The following PLXDC2 variants were observed in gnomAD, a reference collection of about 807,000 sequenced individuals.
PLXDC2 encodes plexin domain containing 2, also known as plexin domain-containing protein 2.
A neutral mutation model predicts 68.9 loss-of-function variants in PLXDC2; 40 were observed. The observed-to-expected ratio is 0.58, with a 90% CI of 0.45 to 0.76. The LOEUF is 0.76. Ranked by LOEUF, PLXDC2 falls within the 30% of genes least tolerant of loss-of-function variation. The pLI is 0.00. For synonymous variants in PLXDC2, 243 were observed against 234.2 expected, an observed-to-expected ratio of 1.04 and a Z score of -0.34; for missense variants, 644 against 661.9, an observed-to-expected ratio of 0.97 and a Z score of 0.30.
At chr10:19,898,614 T>G (rs1356857904) in intron 1 of PLXDC2, among the ~76,000 whole-genome samples, 1 of 152,162 alleles carries the variant, frequency 6.6e-6, no homozygotes, top group Non-Finnish European at 1.5e-5. Context: ...ATTTAGAGAT[T>G]AATGCCTATG....
chr10:20,085,322 G>T (rs528785676), intron 4 of PLXDC2, among the ~76,000 whole-genome samples: 1 of 152,234 alleles, frequency 6.6e-6, no homozygotes, highest in East Asian at 1.9e-4. Flanking sequence ...CATCGCAGAC[G>T]CTGCCTCAGA....
intron 1 of PLXDC2, among the ~76,000 whole-genome samples, chr10:19,839,773 G>C (rs76337506): frequency 0.013 from 1,984 of 152,178 alleles, 21 homozygotes; most frequent in Non-Finnish European, 0.021. Context: ...TGTAACGGCA[G>C]ACTCTTTAGA....
intron 13 of PLXDC2, among the ~76,000 whole-genome samples, chr10:20,246,617 C>T (rs560484194): frequency 9.9e-5 from 15 of 152,250 alleles, no homozygotes; most frequent in African/African-American, 2.4e-4. Context: ...CCCAAAGTGC[C>T]GGGATTACAG....
chr10:19,948,333 C>T (rs1166715042), intron 1 of PLXDC2, among the ~76,000 whole-genome samples: 1 of 151,366 alleles, frequency 6.6e-6, no homozygotes, highest in South Asian at 2.1e-4. Flanking sequence ...ATAAACAAGA[C>T]TATTAACAGC....
At position 19,890,808 on chromosome 10, in the gene PLXDC2, ATAGT is replaced by A. The variant is rs570071542; in HGVS notation, c.112+73621_112+73624del. On this transcript the variant is annotated intron_variant, in intron 1 of 13. Transcript: ENST00000377252. ...TTTAGACTTCTTGTACTTGTGCAAT[ATAGT>A]TAGATGTGTATGCATCTGTATATAA... Among the ~76,000 whole-genome samples, 568 of 150,028 alleles carry A rather than the reference ATAGT, an allele frequency of 3.8e-3. 2 individuals are homozygous for A. Among genetic ancestry groups the A allele is most frequent in the African/African-American group, 0.013 (541 of 40,716 alleles).
chr10:20,080,270 G>A (rs150822620), intron 4 of PLXDC2, among the ~76,000 whole-genome samples: 2 of 152,262 alleles, frequency 1.3e-5, no homozygotes, highest in African/African-American at 4.8e-5. Flanking sequence ...GTTCTGTAGA[G>A]GGAAAGAACT....
rs532721555 is a variant in PLXDC2, at chr10:20,111,175, G to A, written c.542-32120G>A. ...TCTAGAGGAATGTTCAGTTTTGTGT[G>A]GGTGATAGACTTGCAAACCATTGTA... is the stretch of plus-strand genomic sequence containing the variant. On this transcript the variant is annotated intron_variant, in intron 4 of 13. Coordinates refer to ENST00000377252, the MANE Select transcript of PLXDC2 (RefSeq NM_032812.9). Among the ~76,000 whole-genome samples, 9 of 152,228 alleles carry A rather than the reference G, an allele frequency of 5.9e-5. No homozygotes were observed. The South Asian group carries it at 1.9e-3, about 32-fold the overall frequency.
intron 4 of PLXDC2, among the ~76,000 whole-genome samples, chr10:20,125,365 G>A (rs1437398574): frequency 6.6e-6 from 1 of 152,150 alleles, no homozygotes; most frequent in Non-Finnish European, 1.5e-5. Flanking sequence ...AAACACAATT[G>A]GATGGTGTAT....
intron 4 of PLXDC2, among the ~76,000 whole-genome samples, chr10:20,125,351 G>A (rs749917405): frequency 3.3e-5 from 5 of 152,132 alleles, no homozygotes; most frequent in Admixed American, 6.6e-5. Flanking sequence ...GGTCCTAGCC[G>A]AGCAAACACA....
intron 2 of PLXDC2, among the ~76,000 whole-genome samples, chr10:20,004,806 G>A (rs1249384975): frequency 6.6e-6 from 1 of 152,074 alleles, no homozygotes; most frequent in Non-Finnish European, 1.5e-5. Flanking sequence ...GTAATTTTGT[G>A]ATTCAGCCAA....
chr10:20,130,116 A>G (rs1033553752), intron 4 of PLXDC2, among the ~76,000 whole-genome samples: 2 of 152,048 alleles, frequency 1.3e-5, no homozygotes, highest in African/African-American at 2.4e-5. Context: ...GGAAAGTTTA[A>G]TATTTTTAAT....
At chr10:19,877,103 G>T (rs72784151) in intron 1 of PLXDC2, among the ~76,000 whole-genome samples, 6,794 of 152,114 alleles carry the variant, frequency 0.045, 188 homozygotes, top group Middle Eastern at 0.12. Context: ...TTCTGTGGTG[G>T]TAAAATAACA....
intron 1 of PLXDC2, among the ~76,000 whole-genome samples, chr10:19,829,787 G>A (rs1379197470): frequency 1.3e-5 from 2 of 152,136 alleles, no homozygotes; most frequent in South Asian, 2.1e-4. Context: ...TGGAGTGACT[G>A]CAAAGTAAGA....
rs762530482 is a variant in PLXDC2, at chr10:20,283,615, A to G, written c.*3796A>G. 4.6e-5 allele frequency: 7 copies of G among 152,122 alleles called. No homozygotes were observed. The highest frequency in any genetic ancestry group is 8.8e-5 in the Non-Finnish European group (6 of 68,016). The allele number at this position is 152,122 out of a possible 1,614,324, so 9.4% of individuals were successfully genotyped here. A position where few individuals can be genotyped will look rare whatever the true frequency, so the allele number is the denominator to read the frequency against. On this transcript the variant is annotated 3_prime_UTR_variant, in exon 14 of 14. Transcript: ENST00000377252. ...ATTTGTCCCACATGACATCCATCCC[A>G]TGTATTTATCCACTCTTTCACAACA...
At position 20,085,886 on chromosome 10, in the gene PLXDC2, A is replaced by G. The variant is rs867816371; in HGVS notation, c.541+17647A>G. Among the ~76,000 whole-genome samples, 86 of 152,336 alleles carry G rather than the reference A, an allele frequency of 5.6e-4. No individual in the cohort carries two copies. In the Middle Eastern group the frequency reaches 0.017, roughly 30 times the overall value. On this transcript the variant is annotated intron_variant, in intron 4 of 13. Coordinates refer to ENST00000377252, the MANE Select transcript of PLXDC2 (RefSeq NM_032812.9). ...TAGTTATAAAAATCATTCTATTTGC[A>G]CCATCAAGAAAGCAATTAGAGGTTT...
intron 1 of PLXDC2, among the ~76,000 whole-genome samples, chr10:19,975,342 C>T (rs1010756442): frequency 6.6e-6 from 1 of 152,076 alleles, no homozygotes; most frequent in Non-Finnish European, 1.5e-5. Context: ...CCTGTAGTCC[C>T]AGCTACTCGG....
intron 1 of PLXDC2, 81 bp from the exon 2 acceptor site, chr10:20,001,693 CT>C: frequency 1.5e-6 from 2 of 1,299,604 alleles, no homozygotes; most frequent in South Asian, 1.3e-5. Flanking sequence ...TCACAGAATT[CT>C]TTTTTCTTCT....
intron 1 of PLXDC2, among the ~76,000 whole-genome samples, chr10:19,981,025 A>AATG (rs1342108052): frequency 1.4e-4 from 21 of 152,310 alleles, no homozygotes; most frequent in African/African-American, 5.1e-4. Context: ...ATTGGTGCTT[A>AATG]ATGATTTTTG....
At chr10:19,892,164 C>T (rs928591023) in intron 1 of PLXDC2, among the ~76,000 whole-genome samples, 2 of 152,190 alleles carry the variant, frequency 1.3e-5, no homozygotes, top group Admixed American at 1.3e-4. Flanking sequence ...AACAATAATA[C>T]TTAATAAATA....
Sources: allele counts gnomAD v4.1 joint callset (sites outside exome capture counted in the v4.1 genomes callset), GRCh38; gene constraint gnomAD v4.1.1; transcripts MANE v1.5; gene names NCBI Gene and HGNC (gene_info 2026-07-23, HGNC 2026-07-21).